The following WWOX variants were observed in gnomAD, a reference collection of about 807,000 sequenced individuals.
WWOX encodes the protein WW domain containing oxidoreductase.
WWOX carries 69 observed loss-of-function variants against 46.2 expected under a neutral mutation model. The ratio of observed to expected loss-of-function variants is 1.49; its 90% CI spans 1.23 to 1.82. The LOEUF (loss-of-function observed/expected upper bound fraction) is 1.82. Among genes scored for constraint, WWOX ranks in the 40% most tolerant of loss-of-function variants. The probability of loss-of-function intolerance (pLI) is 0.00; values close to 1 mark genes in which losing one functional copy is unlikely to be tolerated. For missense variants in WWOX, 919 were observed against 542.6 expected (o/e 1.69, Z -6.89); for synonymous variants, 359 against 202.6 (o/e 1.77, Z -6.56).
At chr16:78,892,309 A>G (rs996721903) in intron 8 of WWOX, 1 of 152,220 alleles carries the variant, frequency 6.6e-6, no homozygotes, top group Non-Finnish European at 1.5e-5. Context: ...AAAATGAACC[A>G]CATGCTAAAA....
chr16:78,113,989 T>C lies in WWOX; in HGVS notation c.231-987T>C, dbSNP rs1471393207. On this transcript the variant is annotated intron_variant, in intron 3 of 8. Coordinates refer to ENST00000566780, the MANE Select transcript of WWOX (RefSeq NM_016373.4). ...TATATTTAGAGGCTTCTTAATAGTT[T>C]TTAAGATATTCTGAGGTCTTTATCT... Among the ~76,000 whole-genome samples, 4 of 148,264 alleles carry C rather than the reference T, an allele frequency of 2.7e-5. No homozygotes were observed. In the South Asian group the frequency reaches 6.2e-4, roughly 23 times the overall value.
Position 78,383,096 on chromosome 16 carries a change from C to G in WWOX, c.517-3764C>G, listed in dbSNP as rs140951270. ...ACGAGACAGCACTAGGGGGATGGCA[C>G]TAAGCTGTTTTTAACCAGCCCCATG... On this transcript the variant is annotated intron_variant, in intron 5 of 8. Transcript: ENST00000566780. Among the ~76,000 whole-genome samples, 17 of 150,908 alleles carry G rather than the reference C, an allele frequency of 1.1e-4. No individual in the cohort carries two copies. In the East Asian group the frequency reaches 2.0e-3, roughly 17 times the overall value.
intron 8 of WWOX, among the ~76,000 whole-genome samples, chr16:78,788,403 C>A (rs2550592): frequency 6.6e-6 from 1 of 152,022 alleles, no homozygotes; most frequent in African/African-American, 2.4e-5. Context: ...CTCTAATCTT[C>A]CCCACCTTTT....
intron 8 of WWOX, among the ~76,000 whole-genome samples, chr16:78,619,178 T>A (rs1400925709): frequency 0.025 from 248 of 10,016 alleles, 77 homozygotes; most frequent in Middle Eastern, 0.067. Context: ...TATATATATA[T>A]ATATATATAT....
At chr16:78,917,284 A>G (rs952643155) in intron 8 of WWOX, among the ~76,000 whole-genome samples, 1 of 152,180 alleles carries the variant, frequency 6.6e-6, no homozygotes, top group African/African-American at 2.4e-5. Context: ...CCCCTAACTC[A>G]AATCAGAATT....
At chr16:78,911,934 G>T (rs1240212739) in intron 8 of WWOX, among the ~76,000 whole-genome samples, 9 of 152,136 alleles carry the variant, frequency 5.9e-5, no homozygotes, top group African/African-American at 1.7e-4. Context: ...AAGACTCATG[G>T]ATGCTGCTTG....
chr16:78,805,578 C>T (rs935315302), intron 8 of WWOX, among the ~76,000 whole-genome samples: 12 of 152,120 alleles, frequency 7.9e-5, no homozygotes, highest in South Asian at 6.2e-4. Context: ...CTGACGCTCC[C>T]GGCCTACAGC....
chr16:78,417,680 G>C (rs1215946822), intron 6 of WWOX, among the ~76,000 whole-genome samples: 1 of 152,126 alleles, frequency 6.6e-6, no homozygotes, highest in Non-Finnish European at 1.5e-5. Context: ...AATTATCCCT[G>C]CTACAAATTA....
chr16:79,045,833 A>C (rs1177712346), intron 8 of WWOX, among the ~76,000 whole-genome samples: 3 of 96,108 alleles, frequency 3.1e-5, no homozygotes, highest in African/African-American at 1.2e-4. Flanking sequence ...ATGGAGTCTC[A>C]CTCTGTTGCC....
Position 79,087,351 on chromosome 16 carries a change from G to C in WWOX, c.1057-124257G>C, listed in dbSNP as rs184552925. Among the ~76,000 whole-genome samples, 26 of 152,346 alleles carry C rather than the reference G, an allele frequency of 1.7e-4. No homozygotes were observed. The East Asian group carries it at 4.8e-3, about 28-fold the overall frequency. ...GAAGAAGCTGAAGCTAGCATGGGCA[G>C]GGGAGAAGAAAGCCAGTTACATATC... On this transcript the variant is annotated intron_variant, in intron 8 of 8. Transcript: ENST00000566780.
At chr16:79,167,571 C>G (rs968830808) in intron 8 of WWOX, among the ~76,000 whole-genome samples, 2 of 152,098 alleles carry the variant, frequency 1.3e-5, no homozygotes, top group Admixed American at 1.3e-4. Context: ...CTCCACGCAT[C>G]GTAATTCCCA....
intron 8 of WWOX, among the ~76,000 whole-genome samples, chr16:79,055,759 T>C (rs1359541104): frequency 6.6e-6 from 1 of 152,218 alleles, no homozygotes; most frequent in Non-Finnish European, 1.5e-5. Flanking sequence ...TCAGCCTATT[T>C]TATGGCAGTA....
chr16:78,182,950 C>CAAAAAAAAA (rs1193436425), intron 5 of WWOX, among the ~76,000 whole-genome samples: 1 of 115,082 alleles, frequency 8.7e-6, no homozygotes. Flanking sequence ...GAATCTGTCT[C>CAAAAAAAAA]AAAAAAAAAA....
At chr16:78,640,181 C>T (rs901093352) in intron 8 of WWOX, among the ~76,000 whole-genome samples, 31 of 146,078 alleles carry the variant, frequency 2.1e-4, no homozygotes, top group Non-Finnish European at 3.9e-4. Context: ...ACGTCCTCTC[C>T]TTGGGTCATG....
chr16:78,164,317 T>G (rs891856716), intron 5 of WWOX, 28 bp downstream of exon 5: 12 of 1,601,840 alleles, frequency 7.5e-6, no homozygotes, highest in African/African-American at 1.3e-5. Context: ...GTTGTTTTTT[T>G]TAATTGTCAA....
intron 5 of WWOX, among the ~76,000 whole-genome samples, chr16:78,169,659 C>T: frequency 6.6e-6 from 1 of 151,802 alleles, no homozygotes; most frequent in South Asian, 2.1e-4. Flanking sequence ...ATTTTAGATC[C>T]CCGGAACTTG....
intron 8 of WWOX, among the ~76,000 whole-genome samples, chr16:78,996,051 G>C (rs932859112): frequency 2.6e-5 from 4 of 152,124 alleles, no homozygotes; most frequent in African/African-American, 9.7e-5. Context: ...GGAAACTGGT[G>C]ATTCCAAATC....
chr16:78,493,064 A>C (rs2084824740), intron 8 of WWOX, among the ~76,000 whole-genome samples: 1 of 152,198 alleles, frequency 6.6e-6, no homozygotes, highest in African/African-American at 2.4e-5. Context: ...TGCAGAGAAC[A>C]GACTAGCCCC....
At chr16:78,644,412 G>T (rs1309641375) in intron 8 of WWOX, among the ~76,000 whole-genome samples, 1 of 152,064 alleles carries the variant, frequency 6.6e-6, no homozygotes, top group Non-Finnish European at 1.5e-5. Context: ...AAGTCATGTG[G>T]GATATATAGC....
Sources: allele counts gnomAD v4.1 joint callset (sites outside exome capture counted in the v4.1 genomes callset), GRCh38; gene constraint gnomAD v4.1.1; transcripts MANE v1.5; gene names NCBI Gene and HGNC (gene_info 2026-07-23, HGNC 2026-07-21).